Variants in RBFOX1 observed in about 807,000 individuals in gnomAD.
RBFOX1 encodes RNA binding protein fox-1 homolog 1.
A neutral mutation model predicts 57.7 loss-of-function variants in RBFOX1; 8 were observed. That is an observed-to-expected ratio of 0.14 (90% CI 0.08 to 0.25). The LOEUF (loss-of-function observed/expected upper bound fraction) is 0.25, where lower values mean the gene tolerates loss of function less well. Ranked by LOEUF, RBFOX1 falls within the 10% of genes least tolerant of loss-of-function variation. The pLI is 1.00. For synonymous variants in RBFOX1, 326 were observed against 222.4 expected, an observed-to-expected ratio of 1.47 and a Z score of -4.15; for missense variants, 611 against 548.5, an observed-to-expected ratio of 1.11 and a Z score of -1.14.
At chr16:7,626,745 C>G (rs909052875) in intron 10 of RBFOX1, among the ~76,000 whole-genome samples, 1 of 151,964 alleles carries the variant, frequency 6.6e-6, no homozygotes. Flanking sequence ...AATTTCCTGC[C>G]ATGAACAGGC....
chr16:5,283,716 C>G (rs1395728074), intron 1 of RBFOX1, among the ~76,000 whole-genome samples: 1 of 152,202 alleles, frequency 6.6e-6, no homozygotes, highest in African/African-American at 2.4e-5. Flanking sequence ...ACTGTGTTTA[C>G]CCAGTGCCTA....
intron 5 of RBFOX1, among the ~76,000 whole-genome samples, chr16:7,545,262 G>A (rs760552849): frequency 1.3e-5 from 2 of 152,110 alleles, no homozygotes. Context: ...TCCTGAAACA[G>A]CAGTTTTCCT....
intron 3 of RBFOX1, among the ~76,000 whole-genome samples, chr16:5,694,095 G>C (rs971383310): frequency 3.9e-5 from 6 of 152,306 alleles, no homozygotes; most frequent in African/African-American, 1.4e-4. Context: ...AGAAAGCCCA[G>C]CTGTGCTTGG....
chr16:5,682,219 A>G (rs77531202), intron 3 of RBFOX1, among the ~76,000 whole-genome samples: 7 of 152,336 alleles, frequency 4.6e-5, no homozygotes, highest in South Asian at 2.1e-4. Context: ...AGATTAATAA[A>G]TGCATCATGC....
At chr16:7,268,172 T>C (rs2095221687) in intron 4 of RBFOX1, among the ~76,000 whole-genome samples, 1 of 152,206 alleles carries the variant, frequency 6.6e-6, no homozygotes. Context: ...AAAGGTACTG[T>C]AAAAATACTG....
chr16:6,982,830 T>C lies in RBFOX1; in HGVS notation c.-15-69227T>C, dbSNP rs145667029. On this transcript the variant is annotated intron_variant, in intron 3 of 15. Coordinates refer to ENST00000550418, the MANE Select transcript of RBFOX1 (RefSeq NM_018723.4). ...CAACATGGCGGAGCCCTGTCTCTAC[T>C]AAAAATACAAAAATTAGCTGGGCAT... Among the ~76,000 whole-genome samples, 84 of 151,890 alleles carry C rather than the reference T, an allele frequency of 5.5e-4. No individual in the cohort carries two copies. The East Asian group carries it at 0.013, about 23-fold the overall frequency.
At chr16:6,943,418 G>A (rs1597952526) in intron 3 of RBFOX1, among the ~76,000 whole-genome samples, 1 of 152,162 alleles carries the variant, frequency 6.6e-6, no homozygotes, top group East Asian at 1.9e-4. Context: ...TTAAGAGTAT[G>A]GGCCTGTGGG....
intron 2 of RBFOX1, among the ~76,000 whole-genome samples, chr16:6,334,607 T>C (rs2083418391): frequency 6.6e-6 from 1 of 152,018 alleles, no homozygotes; most frequent in African/African-American, 2.4e-5. Context: ...TTCACATCTG[T>C]GTATCTGGAT....
chr16:6,579,556 T>C (rs1359120994), intron 2 of RBFOX1, among the ~76,000 whole-genome samples: 1 of 152,160 alleles, frequency 6.6e-6, no homozygotes, highest in Non-Finnish European at 1.5e-5. Flanking sequence ...TTTTCCTCCT[T>C]TGCTCTGCAC....
At chr16:7,309,080 A>T (rs2096255107) in intron 4 of RBFOX1, among the ~76,000 whole-genome samples, 1 of 152,238 alleles carries the variant, frequency 6.6e-6, no homozygotes. Context: ...AAGGAATTTA[A>T]GTGGCTGGAA....
downstream of RBFOX1, among the ~76,000 whole-genome samples, chr16:5,603,573 T>G (rs2047439949): frequency 6.6e-6 from 1 of 152,202 alleles, no homozygotes. Flanking sequence ...GGTCAATTAC[T>G]TGTGCAAGTC....
chr16:5,760,947 C>T (rs907976600), intron 3 of RBFOX1, among the ~76,000 whole-genome samples: 3 of 152,060 alleles, frequency 2.0e-5, no homozygotes, highest in Non-Finnish European at 4.4e-5. Flanking sequence ...TCACTGAATG[C>T]CACTGAATTA....
intron 2 of RBFOX1, among the ~76,000 whole-genome samples, chr16:6,575,252 G>C (rs536476793): frequency 5.9e-5 from 9 of 152,228 alleles, no homozygotes; most frequent in Non-Finnish European, 1.3e-4. Flanking sequence ...TTACATCCTA[G>C]TGTCTAAAGG....
chr16:5,286,101 G>C lies in RBFOX1; in HGVS notation c.219+45996G>C, dbSNP rs185501472. Among the ~76,000 whole-genome samples, 704 of 152,310 alleles carry C rather than the reference G, an allele frequency of 4.6e-3. 9 individuals are homozygous for C. The highest frequency in any genetic ancestry group is 0.016 in the African/African-American group (655 of 41,570). ...CAGTTGTTATTGGAGGCTGTTGTGA[G>C]GTTTTGCTGAGGATGGGGATGCCAG... On this transcript the variant is annotated intron_variant, in intron 1 of 2. Transcript: ENST00000585867.
At chr16:7,048,167 C>T (rs528659793) in intron 3 of RBFOX1, among the ~76,000 whole-genome samples, 1 of 152,092 alleles carries the variant, frequency 6.6e-6, no homozygotes, top group African/African-American at 2.4e-5. Flanking sequence ...GTGTGAGCCA[C>T]CGTGCCCAGC....
chr16:7,529,536 A>G (rs1170280343), intron 5 of RBFOX1, among the ~76,000 whole-genome samples: 1 of 152,186 alleles, frequency 6.6e-6, no homozygotes, highest in East Asian at 1.9e-4. Flanking sequence ...TTAAACCACT[A>G]TTATAATTTC....
chr16:6,589,989 C>A (rs577476400), intron 2 of RBFOX1, among the ~76,000 whole-genome samples: 1 of 152,128 alleles, frequency 6.6e-6, no homozygotes, highest in South Asian at 2.1e-4. Context: ...CACTCCTCTT[C>A]TGATAGAAAG....
intron 14 of RBFOX1, among the ~76,000 whole-genome samples, chr16:7,691,715 C>A (rs921022295): frequency 1.3e-5 from 2 of 152,122 alleles, no homozygotes; most frequent in African/African-American, 4.8e-5. Flanking sequence ...TGATGTCTAG[C>A]ACATTGGACA....
chr16:5,528,565 T>TTTC lies in RBFOX1; in HGVS notation c.258+61311_258+61312insTTC, dbSNP rs1555457752. 1.0e-4 allele frequency among the ~76,000 whole-genome samples: 14 copies of TTTC among 135,306 alleles called. 2 individuals are homozygous for TTTC. The highest frequency in any genetic ancestry group is 7.0e-4 in the East Asian group (3 of 4,258). 88.8% of individuals were successfully genotyped at this position (135,306 alleles called of 152,430 possible). ...CTCTTCTTTTTTTTTTTTTTTTTTT[T>TTTC]CTGGCTTCTTCTTGTCCGATCCCCA... On this transcript the variant is annotated intron_variant, in intron 2 of 2. Transcript: ENST00000585867.
Sources: gnomAD v4.1 joint callset for allele counts (sites outside exome capture counted in the v4.1 genomes callset) on GRCh38, gnomAD v4.1.1 for gene constraint, MANE v1.5 for transcripts, NCBI Gene and HGNC (gene_info 2026-07-23, HGNC 2026-07-21) for gene names.